The following FAM135B variants were observed in gnomAD, a reference collection of about 807,000 sequenced individuals.
FAM135B encodes the protein protein FAM135B.
In FAM135B, 43 loss-of-function variants were observed where a neutral mutation model predicts 127.7. That is an observed-to-expected ratio of 0.34 (90% confidence interval 0.26 to 0.43). The LOEUF (loss-of-function observed/expected upper bound fraction) is 0.43, where lower values mean the gene tolerates loss of function less well. FAM135B is among the 20% of genes least tolerant of loss of function. The pLI, the probability that FAM135B is intolerant of heterozygous loss-of-function variation, is 1.00. For synonymous variants in FAM135B, 670 were observed against 665.1 expected (o/e 1.01, Z -0.11); for missense variants, 1,558 against 1,725.6 (o/e 0.90, Z 1.72).
At chr8:138,337,498 C>T (rs969871875) in intron 2 of FAM135B, among the ~76,000 whole-genome samples, 3 of 150,708 alleles carry the variant, frequency 2.0e-5, no homozygotes, top group South Asian at 2.1e-4. Context: ...TGAGTGAACT[C>T]CCATTCACAA....
At chr8:138,381,947 AAACAGG>A in intron 1 of FAM135B, among the ~76,000 whole-genome samples, 1 of 152,080 alleles carries the variant, frequency 6.6e-6, no homozygotes, top group Admixed American at 6.5e-5. Flanking sequence ...GCCACAACAT[AAACAGG>A]AGAGGAGGTG....
intron 2 of FAM135B, among the ~76,000 whole-genome samples, chr8:138,316,648 G>A (rs996721452): frequency 1.3e-5 from 2 of 151,978 alleles, no homozygotes; most frequent in South Asian, 2.1e-4. Context: ...ATGTAAAATG[G>A]AACAGCCACT....
intron 4 of FAM135B, among the ~76,000 whole-genome samples, chr8:138,261,585 A>G (rs1822542301): frequency 1.3e-5 from 2 of 152,130 alleles, no homozygotes; most frequent in Admixed American, 1.3e-4. Flanking sequence ...TATTCTATGC[A>G]TTTTGTAAGG....
intron 1 of FAM135B, among the ~76,000 whole-genome samples, chr8:138,411,221 T>G (rs571352558): frequency 1.7e-4 from 26 of 151,708 alleles, no homozygotes; most frequent in East Asian, 1.6e-3. Flanking sequence ...GAGGCATCAC[T>G]CTACCTCACT....
At chr8:138,361,823 C>G (rs534972187) in intron 2 of FAM135B, among the ~76,000 whole-genome samples, 4 of 152,284 alleles carry the variant, frequency 2.6e-5, no homozygotes, top group South Asian at 2.1e-4. Flanking sequence ...AAAGTGACAG[C>G]TCTGCTGTTA....
chr8:138,317,290 A>C (rs1827168768), intron 2 of FAM135B, among the ~76,000 whole-genome samples: 1 of 152,212 alleles, frequency 6.6e-6, no homozygotes, highest in African/African-American at 2.4e-5. Flanking sequence ...TTACATGGCA[A>C]GTTTAAAGTT....
At chr8:138,368,183 C>T (rs1364824803) in intron 1 of FAM135B, among the ~76,000 whole-genome samples, 181 bp from the exon 2 acceptor site, 1 of 152,148 alleles carries the variant, frequency 6.6e-6, no homozygotes, top group Non-Finnish European at 1.5e-5. Context: ...AATGACTTGC[C>T]TACTGTCACA....
At chr8:138,289,289 A>T (rs1206071968) in intron 3 of FAM135B, among the ~76,000 whole-genome samples, 1 of 152,232 alleles carries the variant, frequency 6.6e-6, no homozygotes, top group Non-Finnish European at 1.5e-5. Context: ...TGAATAATGG[A>T]GAATATTCTT....
chr8:138,394,594 T>G (rs748665039), intron 1 of FAM135B, among the ~76,000 whole-genome samples: 2 of 152,214 alleles, frequency 1.3e-5, no homozygotes, highest in African/African-American at 2.4e-5. Flanking sequence ...TGTGGTGGTC[T>G]CATTTCACTG....
At chr8:138,395,978 G>C (rs181108557) in intron 1 of FAM135B, among the ~76,000 whole-genome samples, 41 of 152,328 alleles carry the variant, frequency 2.7e-4, no homozygotes, top group African/African-American at 9.6e-4. Flanking sequence ...ACAAACAGGA[G>C]TCTGGGCATC....
chr8:138,459,344 G>A (rs1368107463), intron 1 of FAM135B: 1 of 152,132 alleles, frequency 6.6e-6, no homozygotes, highest in East Asian at 1.9e-4. Flanking sequence ...CTAGAAGAAG[G>A]CACAAAGCAG....
chr8:138,472,817 T>A (rs1163807579), intron 1 of FAM135B, among the ~76,000 whole-genome samples: 1 of 152,188 alleles, frequency 6.6e-6, no homozygotes, highest in Admixed American at 6.5e-5. Flanking sequence ...CGCTAGTAGA[T>A]GCAGGTATCA....
chr8:138,374,315 A>T (rs1326622400), intron 1 of FAM135B, among the ~76,000 whole-genome samples: 1 of 152,240 alleles, frequency 6.6e-6, no homozygotes. Flanking sequence ...ACCTCAGAGG[A>T]TGATACAGAA....
intron 13 of FAM135B, 46 bp from the exon 14 acceptor site, chr8:138,148,732 G>C (rs762332131): frequency 4.8e-6 from 7 of 1,457,554 alleles, no homozygotes; most frequent in Non-Finnish European, 6.6e-6. Context: ...TGTACTTCAT[G>C]TTGAACAGGA....
intron 2 of FAM135B, among the ~76,000 whole-genome samples, chr8:138,353,894 T>C (rs944235159): frequency 1.3e-5 from 2 of 152,076 alleles, no homozygotes; most frequent in African/African-American, 2.4e-5. Context: ...AGATATCCCA[T>C]TGCCTTTAGA....
At chr8:138,288,992 C>A (rs756189960) in intron 3 of FAM135B, among the ~76,000 whole-genome samples, 9 of 152,136 alleles carry the variant, frequency 5.9e-5, no homozygotes, top group Non-Finnish European at 1.2e-4. Flanking sequence ...AAAACAGGGT[C>A]CTGCCCAGCC....
intron 2 of FAM135B, among the ~76,000 whole-genome samples, chr8:138,316,490 T>C (rs1827103449): frequency 6.8e-6 from 1 of 148,130 alleles, no homozygotes; most frequent in Non-Finnish European, 1.5e-5. Context: ...CGAGACTCCG[T>C]CTCAAAAAAC....
intron 7 of FAM135B, among the ~76,000 whole-genome samples, chr8:138,209,331 A>G (rs1343999318): frequency 6.6e-6 from 1 of 152,218 alleles, no homozygotes; most frequent in Non-Finnish European, 1.5e-5. Context: ...GGCATTTAAC[A>G]CGTAGGGGTA....
chr8:138,439,299 T>C (rs540298912), intron 1 of FAM135B: 2 of 152,332 alleles, frequency 1.3e-5, no homozygotes, highest in South Asian at 2.1e-4. Context: ...GAGAGAATCA[T>C]AGCACATAGG....
Sources: allele counts gnomAD v4.1 joint callset (sites outside exome capture counted in the v4.1 genomes callset), GRCh38; gene constraint gnomAD v4.1.1; transcripts MANE v1.5; gene names NCBI Gene and HGNC (gene_info 2026-07-23, HGNC 2026-07-21).